Variants in UBA6 observed in about 807,000 individuals in gnomAD.
UBA6 encodes ubiquitin like modifier activating enzyme 6.
A neutral mutation model predicts 148.3 loss-of-function variants in UBA6; 87 were observed. The ratio of observed to expected loss-of-function variants is 0.59; its 90% CI spans 0.49 to 0.70. The LOEUF is 0.70. Among genes scored for constraint, UBA6 ranks in the 30% least tolerant of loss-of-function variants. UBA6 has a pLI of 0.00. For missense variants in UBA6, 1,186 were observed against 1,241.2 expected, an observed-to-expected ratio of 0.96 and a Z score of 0.67; for synonymous variants, 376 against 401.0, an observed-to-expected ratio of 0.94 and a Z score of 0.75.
At chr4:67,682,342 A>G (rs1730463913) in intron 2 of UBA6, 129 bp from the exon 3 acceptor site, 1 of 664,270 alleles carries the variant, frequency 1.5e-6, no homozygotes. Context: ...TGATTTGCAC[A>G]GTGTTTAAAC....
chr4:67,686,700 C>T (rs1730572870), intron 2 of UBA6, among the ~76,000 whole-genome samples: 1 of 151,462 alleles, frequency 6.6e-6, no homozygotes, highest in Admixed American at 6.6e-5. Flanking sequence ...ACCTGTAATC[C>T]CAGCAATTTG....
At chr4:67,669,651 C>T (rs534575845) in intron 8 of UBA6, among the ~76,000 whole-genome samples, 3 of 152,152 alleles carry the variant, frequency 2.0e-5, no homozygotes, top group South Asian at 2.1e-4. Flanking sequence ...ATCAAGAGTG[C>T]GGTTAGAAAA....
At position 67,618,732 on chromosome 4, in the gene UBA6, A is replaced by G; in HGVS notation, c.*265T>C. ...TTTATCCAGAGAGATTAATACACAG[A>G]TTAATACACAAAACTTTTGTAAATA... On this transcript the variant is annotated 3_prime_UTR_variant, in exon 33 of 33. Transcript: ENST00000322244. 1 of 322,802 alleles carries G rather than the reference A, an allele frequency of 3.1e-6. No homozygotes were observed. The highest frequency in any genetic ancestry group is 5.6e-6 in the Non-Finnish European group (1 of 178,212). The allele number at this position is 322,802 out of a possible 1,614,324, so 20.0% of individuals were successfully genotyped here.
chr4:67,634,217 T>C (rs1165511230), intron 22 of UBA6, 25 bp downstream of exon 22: 8 of 1,484,576 alleles, frequency 5.4e-6, no homozygotes, highest in African/African-American at 1.4e-5. Flanking sequence ...GTGTTAAGTT[T>C]GTATTAAAAT....
chr4:67,686,031 T>C (rs1666310535), intron 2 of UBA6, among the ~76,000 whole-genome samples: 2 of 152,226 alleles, frequency 1.3e-5, no homozygotes, highest in African/African-American at 2.4e-5. Context: ...GTAGTAAAGA[T>C]GGGATTAAAG....
rs1159572027 is a variant in UBA6 at position 67,701,088 on chromosome 4, T to A, written c.32A>T (p.Gln11Leu). 1.1e-5 allele frequency: 17 copies of A among 1,613,670 alleles called. No individual in the cohort carries two copies. Among genetic ancestry groups the A allele is most frequent in the South Asian group, 6.6e-5 (6 of 91,084 alleles). Residue 11 changes from glutamine (Q) to leucine (L), a missense_variant, in exon 1 of 33, where the codon CAG (glutamine) becomes CTG (leucine). Gln to Leu is a moderately radical substitution (Grantham distance 113). Coordinates refer to ENST00000322244, the MANE Select transcript of UBA6 (RefSeq NM_018227.6). ...GGAAGAACAGGACGCCTCTTCCCCC[T>A]GATGGGCGGCCACAGGCTCGGATCC... Reference protein sequence around the residue: MEGSEPVAAHQGEEASCSSWG... With the variant: MEGSEPVAAHLGEEASCSSWG...
intron 6 of UBA6, among the ~76,000 whole-genome samples, chr4:67,677,269 C>T (rs534679841): frequency 2.6e-5 from 4 of 152,172 alleles, no homozygotes; most frequent in Admixed American, 1.3e-4. Flanking sequence ...AACCCAAACT[C>T]TGGAGTTTAA....
In UBA6 at chr4:67,631,875, T is replaced by A. The variant is rs770484233; in HGVS notation, c.2176A>T (p.Ile726Leu). The change falls in exon 24 of 33, where the codon ATA becomes TTA. Residue 726 changes from isoleucine to leucine, a missense_variant. Coordinates refer to ENST00000322244, the MANE Select transcript of UBA6 (RefSeq NM_018227.6). ...LQLLHCFPLD[I>L]RLKDGSLFWQ... ...TACTTACTGCCATCTTTTAATCGTA[T>A]GTCCAGAGGGAAACAGTGAAGAAGC... 1.2e-6 allele frequency: 2 copies of A among 1,612,288 alleles called. No homozygotes were observed. Among genetic ancestry groups the A allele is most frequent in the Admixed American group, 3.3e-5 (2 of 59,854 alleles).
At chr4:67,633,560 G>A in intron 22 of UBA6, 87 bp from the exon 23 acceptor site, 1 of 1,208,416 alleles carries the variant, frequency 8.3e-7, no homozygotes, top group Non-Finnish European at 1.1e-6. Context: ...TAAGTTTGAA[G>A]TGTCAACTCA....
chr4:67,669,404 A>G (rs564843733), intron 8 of UBA6, among the ~76,000 whole-genome samples: 20 of 152,208 alleles, frequency 1.3e-4, no homozygotes, highest in Non-Finnish European at 2.6e-4. Flanking sequence ...CTGGGTCTCC[A>G]TCACCATGAG....
intron 9 of UBA6, among the ~76,000 whole-genome samples, chr4:67,665,885 A>T (rs13151552): frequency 3.9e-5 from 6 of 152,162 alleles, no homozygotes; most frequent in Non-Finnish European, 7.4e-5. Context: ...AAAACCATGT[A>T]GTAAGGAAGG....
At chr4:67,656,585 G>C (rs952334126) in intron 13 of UBA6, among the ~76,000 whole-genome samples, 1 of 152,144 alleles carries the variant, frequency 6.6e-6, no homozygotes, top group African/African-American at 2.4e-5. Context: ...TACTGAATGG[G>C]CAAAAACTGG....
chr4:67,649,874 T>C (rs1039342019), intron 13 of UBA6, among the ~76,000 whole-genome samples: 1 of 152,200 alleles, frequency 6.6e-6, no homozygotes, highest in Non-Finnish European at 1.5e-5. Context: ...CTTTAAACAT[T>C]AGTAATCTTA....
chr4:67,678,137 A>C (rs1262574414), intron 5 of UBA6, among the ~76,000 whole-genome samples: 1 of 146,884 alleles, frequency 6.8e-6, no homozygotes, highest in Admixed American at 6.8e-5. Context: ...CATATTATGT[A>C]AATATATAAA....
chr4:67,682,224 AAC>A lies in UBA6; in HGVS notation c.135-13_135-12del. 6.2e-7 allele frequency: 1 copy of A among 1,605,772 alleles called. No homozygotes were observed. On this transcript the variant is annotated splice_polypyrimidine_tract_variant and intron_variant, in intron 2 of 32. Transcript: ENST00000322244. ...ACGTACCTCTGTCGACTACACGGAAAACACAATAAAAAACAAAAAATTATTTC... is the reference window on the plus strand; with the variant it reads ...ACGTACCTCTGTCGACTACACGGAAAACAATAAAAAACAAAAAATTATTTC...
intron 9 of UBA6, among the ~76,000 whole-genome samples, chr4:67,666,681 G>T (rs748001318): frequency 6.6e-6 from 1 of 151,986 alleles, no homozygotes; most frequent in Non-Finnish European, 1.5e-5. Context: ...TTCGAGACCA[G>T]CTTGGGCAAA....
chr4:67,623,283 C>T, intron 30 of UBA6, 61 bp from the exon 31 acceptor site: 1 of 1,297,870 alleles, frequency 7.7e-7, no homozygotes, highest in South Asian at 1.3e-5. Flanking sequence ...AGTGATGACA[C>T]ACACACAAAA....
chr4:67,693,612 T>C (rs1390969899), intron 2 of UBA6, among the ~76,000 whole-genome samples: 2 of 152,188 alleles, frequency 1.3e-5, no homozygotes. Flanking sequence ...TTTACTACAA[T>C]AATAACTTTT....
At chr4:67,664,957 T>C (rs553645277) in intron 10 of UBA6, among the ~76,000 whole-genome samples, 2 of 152,238 alleles carry the variant, frequency 1.3e-5, no homozygotes, top group East Asian at 1.9e-4. Context: ...ACTATATGTA[T>C]ATGGTATTCT....
Sources: gnomAD v4.1 joint callset for allele counts (sites outside exome capture counted in the v4.1 genomes callset) on GRCh38, gnomAD v4.1.1 for gene constraint, MANE v1.5 for transcripts, NCBI Gene and HGNC (gene_info 2026-07-23, HGNC 2026-07-21) for gene names.